The following CYREN variants were observed in gnomAD, a reference collection of about 807,000 sequenced individuals.
The protein encoded by CYREN is cell cycle regulator of non-homologous end joining.
CYREN carries 7 observed loss-of-function variants against 9.7 expected under a neutral mutation model. The ratio of observed to expected loss-of-function variants is 0.72; its 90% CI spans 0.41 to 1.36. The LOEUF (loss-of-function observed/expected upper bound fraction) is 1.36. Ranked by LOEUF, CYREN falls within the 40% of genes most tolerant of loss-of-function variation. CYREN has a pLI of 0.01. For missense variants in CYREN, 215 were observed against 198.1 expected (o/e 1.09, Z -0.51); for synonymous variants, 76 against 77.9 (o/e 0.98, Z 0.13).
chr7:135,096,572 GATAGATAGATAC>G (rs61364059), intron 2 of CYREN, among the ~76,000 whole-genome samples: 513 of 20,628 alleles, frequency 0.025, 11 homozygotes, highest in African/African-American at 0.042. Context: ...TAGATAGATA[GATAGATAGATAC>G]ATAGATAGAT....
chr7:135,141,329 T>C (rs1213373251), intron 2 of CYREN, among the ~76,000 whole-genome samples: 1 of 152,142 alleles, frequency 6.6e-6, no homozygotes, highest in Non-Finnish European at 1.5e-5. Context: ...CTAGGTTTTC[T>C]AGTTTGTATG....
chr7:135,128,840 G>A, intron 2 of CYREN: 1 of 1,179,958 alleles, frequency 8.5e-7, no homozygotes, highest in Non-Finnish European at 1.3e-6. Flanking sequence ...TGCAGGATGT[G>A]GAATCATTGT....
intron 2 of CYREN, among the ~76,000 whole-genome samples, chr7:135,106,512 C>T (rs962420035): frequency 1.6e-4 from 24 of 152,170 alleles, no homozygotes; most frequent in Admixed American, 2.6e-4. Context: ...TGATGAATCA[C>T]ATTTCTTGAT....
intron 2 of CYREN, among the ~76,000 whole-genome samples, chr7:135,099,545 C>A (rs1012545018): frequency 1.3e-5 from 2 of 151,934 alleles, no homozygotes; most frequent in African/African-American, 4.8e-5. Flanking sequence ...CTGAACGAGC[C>A]CCTTCTTGGC....
upstream of CYREN, among the ~76,000 whole-genome samples, chr7:135,171,140 AATAAT>A (rs2117581780): frequency 6.6e-6 from 1 of 152,372 alleles, no homozygotes; most frequent in South Asian, 2.1e-4. Flanking sequence ...AAATTAAGAA[AATAAT>A]AGAATAGCGT....
chr7:135,125,726 A>G (rs972686536), intron 2 of CYREN, among the ~76,000 whole-genome samples: 3 of 152,244 alleles, frequency 2.0e-5, no homozygotes, highest in Non-Finnish European at 2.9e-5. Flanking sequence ...CCTGGGATGC[A>G]AGGCTGGTTC....
At position 135,168,827 on chromosome 7, in the gene CYREN, G is replaced by C. The variant is rs1260705789; in HGVS notation, c.96C>G (p.Pro32=). 6.8e-6 allele frequency: 11 copies of C among 1,613,956 alleles called. No individual in the cohort carries two copies. Among genetic ancestry groups the C allele is most frequent in the Non-Finnish European group, 9.3e-6 (11 of 1,179,916 alleles). Residue 32 remains proline (P), a synonymous_variant, in exon 2 of 4, where the codon CCC becomes CCG. Transcript: ENST00000393114. ...GCACTGCTGCCATTCTCATCCTCTTGGGGGCCTTCATTGGTGCCACATTCT... is the reference window on the plus strand; with the variant it reads ...GCACTGCTGCCATTCTCATCCTCTTCGGGGCCTTCATTGGTGCCACATTCT... The part of the protein sequence containing the change: ...ATKNVAPMKA[P]KRMRMAAVPV...
At chr7:135,093,659 T>A (rs1822202779) in exon 3 of CYREN, 1 of 152,196 alleles carries the variant, frequency 6.6e-6, no homozygotes. Context: ...TCAGAAGATT[T>A]AATATTGCTA....
intron 2 of CYREN, among the ~76,000 whole-genome samples, chr7:135,138,405 G>C (rs1829392999): frequency 6.6e-6 from 1 of 152,006 alleles, no homozygotes; most frequent in Non-Finnish European, 1.5e-5. Context: ...AGGAATCGGA[G>C]GGAGGAATTG....
downstream of CYREN, among the ~76,000 whole-genome samples, chr7:135,161,256 G>A (rs184195017): frequency 4.2e-4 from 64 of 152,332 alleles, no homozygotes; most frequent in African/African-American, 1.5e-3. The surrounding 1 kb of genome is among the most constrained non-coding windows in gnomAD (Gnocchi z 4.1). Flanking sequence ...AGGAGCTGCC[G>A]CAAGGTGGCT....
chr7:135,136,405 G>A (rs2348283), intron 2 of CYREN, among the ~76,000 whole-genome samples: 141,496 of 152,070 alleles, frequency 0.93, 66,614 homozygotes, highest in Non-Finnish European at 1. Flanking sequence ...AATCTTTAAT[G>A]TCTGGTGGGA....
At chr7:135,105,015 T>G (rs1319574325) in intron 2 of CYREN, among the ~76,000 whole-genome samples, 1 of 151,964 alleles carries the variant, frequency 6.6e-6, no homozygotes, top group African/African-American at 2.4e-5. Flanking sequence ...ATGTGCAGAA[T>G]AGTATTGCCT....
chr7:135,128,790 T>G (rs1245178465), intron 2 of CYREN: 1 of 1,223,718 alleles, frequency 8.2e-7, no homozygotes, highest in African/African-American at 1.5e-5. Context: ...CTTCTGGATC[T>G]GATACAGACC....
At chr7:135,109,058 CT>C (rs1825212728) in intron 2 of CYREN, among the ~76,000 whole-genome samples, 1 of 152,110 alleles carries the variant, frequency 6.6e-6, no homozygotes, top group African/African-American at 2.4e-5. Flanking sequence ...CTTTTTTATA[CT>C]GCCTATTTTG....
intron 2 of CYREN, among the ~76,000 whole-genome samples, chr7:135,095,604 CA>C (rs1159723825): frequency 2.0e-5 from 3 of 152,154 alleles, no homozygotes; most frequent in Non-Finnish European, 4.4e-5. Flanking sequence ...CAAGAAAATA[CA>C]AAAGCCATAT....
intron 2 of CYREN, among the ~76,000 whole-genome samples, chr7:135,109,637 G>A (rs1825318433): frequency 6.6e-6 from 1 of 152,252 alleles, no homozygotes; most frequent in Non-Finnish European, 1.5e-5. Flanking sequence ...TCCCAGGGAA[G>A]TTTGAAACTG....
intron 2 of CYREN, among the ~76,000 whole-genome samples, chr7:135,117,849 T>G (rs1382197151): frequency 6.6e-6 from 1 of 152,218 alleles, no homozygotes; most frequent in Non-Finnish European, 1.5e-5. Flanking sequence ...AAAGCTGCAT[T>G]TGTAATTATG....
chr7:135,111,815 A>G (rs1203203100), intron 2 of CYREN, among the ~76,000 whole-genome samples: 1 of 152,070 alleles, frequency 6.6e-6, no homozygotes, highest in African/African-American at 2.4e-5. Context: ...TTTATTTCTG[A>G]GCACTCTCAT....
At chr7:135,096,795 A>AAAG (rs1822968399) in intron 2 of CYREN, among the ~76,000 whole-genome samples, 2 of 123,640 alleles carry the variant, frequency 1.6e-5, no homozygotes, top group South Asian at 5.1e-4. Context: ...AAGAAAGAAA[A>AAAG]AGGGAAGAAG....
Sources: gnomAD v4.1 joint callset for allele counts (sites outside exome capture counted in the v4.1 genomes callset) on GRCh38, gnomAD v4.1.1 for gene constraint, Gnocchi (gnomAD v3.1) non-coding constraint, MANE v1.5 for transcripts, NCBI Gene and HGNC (gene_info 2026-07-23, HGNC 2026-07-21) for gene names.